Variants in NUP155 observed in about 807,000 individuals in gnomAD.
NUP155 encodes nuclear pore complex protein Nup155.
Under a neutral mutation model 180.4 loss-of-function variants are expected in NUP155, and 71 were observed. The ratio of observed to expected loss-of-function variants is 0.39; its 90% CI spans 0.33 to 0.48. The LOEUF is 0.48. Among genes scored for constraint, NUP155 ranks in the 20% least tolerant of loss-of-function variants. The probability of loss-of-function intolerance (pLI) is 0.91; values close to 1 mark genes in which losing one functional copy is unlikely to be tolerated. For synonymous variants in NUP155, 582 were observed against 559.5 expected, an observed-to-expected ratio of 1.04 and a Z score of -0.57; for missense variants, 1,553 against 1,648.9, an observed-to-expected ratio of 0.94 and a Z score of 1.01.
chr5:37,295,098 G>A lies in NUP155; in HGVS notation c.3794-633C>T, dbSNP rs566402850. On this transcript the variant is annotated intron_variant, in intron 32 of 34. Transcript: ENST00000231498. Reference sequence around the variant, plus strand: ...CTTTCCAAGGTCTCCCTCTGATGCCGAGCCGAAGCTGGACTGTACTGCTAT... The same window carrying A: ...CTTTCCAAGGTCTCCCTCTGATGCCAAGCCGAAGCTGGACTGTACTGCTAT... Among the ~76,000 whole-genome samples the A allele has an allele frequency of 8.5e-5, 13 of 152,210 alleles. No homozygotes were observed. The South Asian group carries it at 2.1e-3, about 24-fold the overall frequency.
chr5:37,331,888 A>G, intron 13 of NUP155, 93 bp from the exon 14 acceptor site: 1 of 802,248 alleles, frequency 1.2e-6, no homozygotes. Flanking sequence ...TAAATGAAAC[A>G]AACAAAAAAA....
intron 4 of NUP155, 101 bp downstream of exon 4, chr5:37,357,980 G>A (rs969411707): frequency 4.9e-6 from 4 of 824,060 alleles, no homozygotes; most frequent in East Asian, 2.6e-5. Flanking sequence ...TCGATGGAAC[G>A]AGACTCCATC....
Position 37,309,183 on chromosome 5 carries a change from G to C in NUP155, c.2713C>G (p.Gln905Glu). Residue 905 changes from glutamine (Q) to glutamate (E), a missense_variant, in exon 24 of 35, where the codon CAA (glutamine) becomes GAA (glutamate). Coordinates refer to ENST00000231498, the MANE Select transcript of NUP155 (RefSeq NM_153485.3). ...RMLRESLKEY[Q>E]KISNQVDLSN... ...AGGTCCACTTGATTGCTAATTTTTT[G>C]ATATTCCTTTAATGATTCCCTTAAC... is the stretch of plus-strand genomic sequence containing the variant. The C allele has an allele frequency of 6.2e-7, 1 of 1,613,488 alleles. No homozygotes were observed. The highest frequency in any genetic ancestry group is 8.5e-7 in the Non-Finnish European group (1 of 1,179,640).
At chr5:37,370,530 A>T in intron 1 of NUP155, 1 of 686,122 alleles carries the variant, frequency 1.5e-6, no homozygotes, top group Non-Finnish European at 2.3e-6. Context: ...ATATGGCCTT[A>T]GCCATAAGCA....
intron 9 of NUP155, among the ~76,000 whole-genome samples, chr5:37,347,261 T>C (rs904736259): frequency 1.3e-5 from 2 of 151,878 alleles, no homozygotes; most frequent in African/African-American, 4.8e-5. Context: ...AAAGAGTGAA[T>C]AGTTAAAAGT....
intron 32 of NUP155, among the ~76,000 whole-genome samples, chr5:37,296,105 A>G (rs371841486): frequency 0.026 from 3,005 of 117,414 alleles, 20 homozygotes; most frequent in South Asian, 0.058. Flanking sequence ...GGTGAGGGGC[A>G]CCTCTGCCCG....
chr5:37,353,032 G>A (rs1159593276), intron 4 of NUP155, among the ~76,000 whole-genome samples: 3 of 151,430 alleles, frequency 2.0e-5, no homozygotes, highest in African/African-American at 7.3e-5. Context: ...ATAATGAAGA[G>A]GAAAAAAAGT....
intron 20 of NUP155, among the ~76,000 whole-genome samples, chr5:37,318,552 G>C (rs1744051327): frequency 6.6e-6 from 1 of 151,810 alleles, no homozygotes; most frequent in African/African-American, 2.4e-5. Flanking sequence ...GATGCTCAAA[G>C]GAAATGCGCA....
Sources: gnomAD v4.1 joint callset for allele counts (sites outside exome capture counted in the v4.1 genomes callset) on GRCh38, gnomAD v4.1.1 for gene constraint, MANE v1.5 for transcripts, NCBI Gene and HGNC (gene_info 2026-07-23, HGNC 2026-07-21) for gene names.